The following NEO1 variants were observed in gnomAD, a reference collection of about 807,000 sequenced individuals.
The protein encoded by NEO1 is neogenin.
In NEO1, 63 loss-of-function variants were observed where a neutral mutation model predicts 159.7. That is an observed-to-expected ratio of 0.39 (90% CI 0.32 to 0.49). NEO1 has a LOEUF of 0.49. NEO1 is among the 20% of genes least tolerant of loss of function. The pLI, the probability that NEO1 is intolerant of heterozygous loss-of-function variation, is 0.85. For synonymous variants in NEO1, 633 were observed against 662.0 expected (o/e 0.96, Z 0.67); for missense variants, 1,615 against 1,831.0 (o/e 0.88, Z 2.15).
At chr15:73,106,547 G>A (rs765936095) in intron 1 of NEO1, among the ~76,000 whole-genome samples, 1 of 152,068 alleles carries the variant, frequency 6.6e-6, no homozygotes, top group African/African-American at 2.4e-5. Context: ...TCTTAATTTA[G>A]ATGAGCTACA....
At chr15:73,065,345 C>G (rs2068163723) in intron 1 of NEO1, among the ~76,000 whole-genome samples, 2 of 148,782 alleles carry the variant, frequency 1.3e-5, no homozygotes, top group Non-Finnish European at 3.0e-5. Context: ...GGGATCATTT[C>G]TTTCTGCCTG....
chr15:73,207,787 T>C (rs139239666), intron 7 of NEO1, among the ~76,000 whole-genome samples: 2 of 151,854 alleles, frequency 1.3e-5, no homozygotes, highest in African/African-American at 4.9e-5. Context: ...TTAACTTCTT[T>C]AATTTATAAA....
chr15:73,249,242 T>G lies in NEO1; in HGVS notation c.1755+34T>G, dbSNP rs770520469. The G allele has an allele frequency of 6.2e-6, 10 of 1,609,612 alleles. No homozygotes were observed. The Admixed American group carries it at 1.7e-4, about 27-fold the overall frequency. On this transcript the variant is annotated intron_variant, in intron 10 of 28. Transcript: ENST00000261908. ...TGAAGCAACTTTTCAAACCATTGAT[T>G]GGAATAGTAGAGTTGAAATATATTT... is the stretch of plus-strand genomic sequence containing the variant.
chr15:73,205,384 T>C (rs1480365875), intron 7 of NEO1, among the ~76,000 whole-genome samples: 2 of 152,214 alleles, frequency 1.3e-5, no homozygotes, highest in Admixed American at 6.5e-5. Context: ...TTCTTTCCTC[T>C]AGCTGGGATA....
intron 22 of NEO1, among the ~76,000 whole-genome samples, chr15:73,279,572 C>T (rs1317857491): frequency 6.6e-6 from 1 of 152,034 alleles, no homozygotes; most frequent in Non-Finnish European, 1.5e-5. Flanking sequence ...TAGTCTTGAT[C>T]TCCTGATCTC....
intron 7 of NEO1, among the ~76,000 whole-genome samples, chr15:73,220,105 T>G (rs1355441740): frequency 2.0e-5 from 3 of 152,172 alleles, no homozygotes; most frequent in African/African-American, 7.2e-5. Flanking sequence ...AGGAGCTCTT[T>G]TAGGGCAGGC....
Position 73,302,746 on chromosome 15 carries a change from C to G in NEO1, c.*50C>G. On this transcript the variant is annotated 3_prime_UTR_variant, in exon 29 of 29. Transcript: ENST00000261908. ...AAACCTGAGTCTGGAAGTCTTGGAACTTACCCTTGAAAACAAGGAATTGTA... is the reference window on the plus strand; with the variant it reads ...AAACCTGAGTCTGGAAGTCTTGGAAGTTACCCTTGAAAACAAGGAATTGTA... 1 of 1,501,754 alleles carries G rather than the reference C, an allele frequency of 6.7e-7. No individual in the cohort carries two copies. Among genetic ancestry groups the G allele is most frequent in the Non-Finnish European group, 9.2e-7 (1 of 1,090,386 alleles). 93.0% of individuals were successfully genotyped at this position (1,501,754 alleles called of 1,614,324 possible). A position where few individuals can be genotyped will look rare whatever the true frequency, so the allele number is the denominator to read the frequency against.
At chr15:73,273,774 G>A in intron 19 of NEO1, 37 bp from the exon 20 acceptor site, 1 of 1,521,402 alleles carries the variant, frequency 6.6e-7, no homozygotes, top group Non-Finnish European at 9.0e-7. Context: ...GGAAAAGCAG[G>A]AGTGAGATTT....
At chr15:73,159,618 A>C (rs1233086453) in intron 5 of NEO1, among the ~76,000 whole-genome samples, 1 of 152,136 alleles carries the variant, frequency 6.6e-6, no homozygotes, top group African/African-American at 2.4e-5. Context: ...CAGCCACTCC[A>C]TCATGACCTG....
At chr15:73,209,972 C>T (rs1231066985) in intron 7 of NEO1, among the ~76,000 whole-genome samples, 1 of 152,158 alleles carries the variant, frequency 6.6e-6, no homozygotes, top group Non-Finnish European at 1.5e-5. Flanking sequence ...CATTGCACTC[C>T]AGCCTGGGCA....
intron 14 of NEO1, 79 bp downstream of exon 14, chr15:73,258,955 C>G (rs2040491086): frequency 8.1e-7 from 1 of 1,230,036 alleles, no homozygotes; most frequent in South Asian, 1.2e-5. Flanking sequence ...AAGCCACAGA[C>G]TTGGGGTGGA....
chr15:73,220,593 A>G (rs1326106180), intron 7 of NEO1, among the ~76,000 whole-genome samples: 2 of 152,272 alleles, frequency 1.3e-5, no homozygotes, highest in South Asian at 2.1e-4. Context: ...GTCTTTTCAC[A>G]TAGTCCCATA....
chr15:73,055,707 C>G (rs1314787573), intron 1 of NEO1, among the ~76,000 whole-genome samples: 1 of 152,126 alleles, frequency 6.6e-6, no homozygotes, highest in African/African-American at 2.4e-5. Flanking sequence ...GTGCTTCCTT[C>G]ATCCCCATTC....
chr15:73,184,333 T>G (rs540821225), intron 7 of NEO1, among the ~76,000 whole-genome samples: 1 of 152,228 alleles, frequency 6.6e-6, no homozygotes, highest in East Asian at 1.9e-4. Context: ...CTTTTGTATT[T>G]TTAGTAGAGA....
At chr15:73,205,078 CTAT>C (rs2037135435) in intron 7 of NEO1, among the ~76,000 whole-genome samples, 1 of 152,136 alleles carries the variant, frequency 6.6e-6, no homozygotes, top group African/African-American at 2.4e-5. Context: ...GTTGTTTCCG[CTAT>C]TATTCTTGAG....
chr15:73,057,031 G>A (rs1248136144), intron 1 of NEO1, among the ~76,000 whole-genome samples: 3 of 152,134 alleles, frequency 2.0e-5, no homozygotes, highest in African/African-American at 7.2e-5. Flanking sequence ...CAGAGGATAT[G>A]GGGTATGACT....
At position 73,289,165 on chromosome 15, in the gene NEO1, C is replaced by T. The variant is rs1381164350; in HGVS notation, c.3669C>T (p.Ser1223=). The change falls in exon 25 of 29, where the codon AGC becomes AGT. Residue 1223 remains serine, a synonymous_variant. Transcript: ENST00000261908. ...NSYRGHESED[S]MSTLAGRRGM... ...ATCTAGGGCATGAGTCAGAGGACAG[C>T]ATGTCTACACTGGCTGGAAGGCGAG... The T allele has an allele frequency of 6.2e-7, 1 of 1,614,058 alleles. No individual in the cohort carries two copies. The highest frequency in any genetic ancestry group is 1.7e-5 in the Admixed American group (1 of 60,008).
At chr15:73,094,287 G>C (rs2069874874) in intron 1 of NEO1, among the ~76,000 whole-genome samples, 1 of 152,050 alleles carries the variant, frequency 6.6e-6, no homozygotes, top group South Asian at 2.1e-4. Context: ...TACCTATTCG[G>C]GATATTTCAT....
At chr15:73,128,115 C>A (rs1386537477) in intron 4 of NEO1, among the ~76,000 whole-genome samples, 1 of 152,186 alleles carries the variant, frequency 6.6e-6, no homozygotes, top group Non-Finnish European at 1.5e-5. Context: ...TCCCCAATAT[C>A]ACCTGATTTC....
Sources: allele counts gnomAD v4.1 joint callset (sites outside exome capture counted in the v4.1 genomes callset), GRCh38; gene constraint gnomAD v4.1.1; transcripts MANE v1.5; gene names NCBI Gene and HGNC (gene_info 2026-07-23, HGNC 2026-07-21).